ME3: variants seen among roughly 807,000 people sequenced by gnomAD.
The protein encoded by ME3 is malic enzyme 3, also known as NADP-dependent malic enzyme, mitochondrial.
In ME3, 48 loss-of-function variants were observed where a neutral mutation model predicts 68.9. The ratio of observed to expected loss-of-function variants is 0.70; its 90% CI spans 0.55 to 0.89. The LOEUF (loss-of-function observed/expected upper bound fraction) is 0.89, where lower values mean the gene tolerates loss of function less well. Among genes scored for constraint, ME3 ranks in the 40% least tolerant of loss-of-function variants. The pLI is 0.00. For synonymous variants in ME3, 320 were observed against 318.8 expected (o/e 1.00, Z -0.04); for missense variants, 675 against 797.4 (o/e 0.85, Z 1.85).
intron 2 of ME3, among the ~76,000 whole-genome samples, chr11:86,603,943 T>G (rs1417766408): frequency 2.6e-5 from 2 of 76,600 alleles, no homozygotes; most frequent in African/African-American, 1.1e-4. Context: ...TGGGGACTGT[T>G]GTGGGGTGGG....
intron 2 of ME3, among the ~76,000 whole-genome samples, chr11:86,578,705 C>T (rs78954729): frequency 0.027 from 4,146 of 152,240 alleles, 75 homozygotes; most frequent in Middle Eastern, 0.041. Flanking sequence ...GAGATCACAG[C>T]GATCAGTCAC....
intron 4 of ME3, among the ~76,000 whole-genome samples, chr11:86,514,231 G>A (rs1953735847): frequency 6.6e-6 from 1 of 152,126 alleles, no homozygotes; most frequent in Non-Finnish European, 1.5e-5. Flanking sequence ...CCAGCCATGT[G>A]GAACTGCAAG....
intron 4 of ME3, among the ~76,000 whole-genome samples, chr11:86,551,564 G>C (rs1238086646): frequency 1.3e-5 from 2 of 152,192 alleles, no homozygotes; most frequent in Admixed American, 6.5e-5. Flanking sequence ...TTGGTCAGCT[G>C]TGATGTCTTA....
At chr11:86,600,854 T>C (rs1455504339) in intron 2 of ME3, among the ~76,000 whole-genome samples, 2 of 151,866 alleles carry the variant, frequency 1.3e-5, no homozygotes, top group African/African-American at 4.8e-5. Flanking sequence ...GAATGACTAC[T>C]GGGTACACAA....
intron 4 of ME3, among the ~76,000 whole-genome samples, chr11:86,531,439 G>C (rs565673963): frequency 4.0e-4 from 61 of 151,964 alleles, no homozygotes; most frequent in African/African-American, 1.4e-3. Flanking sequence ...AAGTCAGTGT[G>C]GCAATTCCTC....
At chr11:86,458,002 A>G (rs1950035136) in intron 8 of ME3, among the ~76,000 whole-genome samples, 1 of 152,216 alleles carries the variant, frequency 6.6e-6, no homozygotes, top group South Asian at 2.1e-4. Context: ...CTTCTGACCC[A>G]GGCAGCAAGA....
intron 4 of ME3, among the ~76,000 whole-genome samples, chr11:86,527,704 A>G (rs1193185732): frequency 6.6e-6 from 1 of 152,238 alleles, no homozygotes; most frequent in African/African-American, 2.4e-5. Context: ...CCAATATTCA[A>G]CATTCTTAAA....
intron 4 of ME3, among the ~76,000 whole-genome samples, chr11:86,524,357 A>G (rs775029336): frequency 3.3e-5 from 5 of 152,248 alleles, no homozygotes; most frequent in Non-Finnish European, 7.3e-5. Context: ...ATAAGGAGAG[A>G]AAAACATCCT....
At chr11:86,616,699 A>G (rs1262704960) in intron 2 of ME3, among the ~76,000 whole-genome samples, 18 of 152,204 alleles carry the variant, frequency 1.2e-4, no homozygotes, top group Admixed American at 1.2e-3. Flanking sequence ...CAAGATACCT[A>G]GCCAGTGCCC....
At chr11:86,517,210 A>C (rs974188224) in intron 4 of ME3, among the ~76,000 whole-genome samples, 1 of 152,138 alleles carries the variant, frequency 6.6e-6, no homozygotes, top group African/African-American at 2.4e-5. Flanking sequence ...TGCTTTGGCC[A>C]ATAAAATGCA....
exon 3 of ME3, chr11:86,559,722 T>G (rs370561420): frequency 6.2e-7 from 1 of 1,613,840 alleles, no homozygotes; most frequent in South Asian, 1.1e-5. Flanking sequence ...GCTCGTAATA[T>G]CTCATGATTC....
chr11:86,558,156 G>A (rs10898498), intron 3 of ME3, among the ~76,000 whole-genome samples: 34,557 of 152,090 alleles, frequency 0.23, 4,705 homozygotes, highest in Non-Finnish European at 0.31. Flanking sequence ...AAATAACTGG[G>A]GAGAGAAGGA....
chr11:86,526,505 G>A (rs1954757493), intron 4 of ME3, among the ~76,000 whole-genome samples: 1 of 152,228 alleles, frequency 6.6e-6, no homozygotes, highest in Non-Finnish European at 1.5e-5. Context: ...CTGTCTGACA[G>A]CGTTGAAGAT....
At position 86,647,478 on chromosome 11, in the gene ME3, CCAT is replaced by C. The variant is rs529812245; in HGVS notation, c.183+24281_183+24283del. Among the ~76,000 whole-genome samples the C allele has an allele frequency of 5.5e-4, 79 of 144,634 alleles. 1 individual carries two copies. In the East Asian group the frequency reaches 0.015, roughly 28 times the overall value. 94.9% of individuals were successfully genotyped at this position (144,634 alleles called of 152,430 possible). A position where few individuals can be genotyped will look rare whatever the true frequency, so the allele number is the denominator to read the frequency against. On this transcript the variant is annotated intron_variant, in intron 2 of 14. Coordinates refer to ENST00000543262, the Ensembl canonical transcript of ME3. ...CCAGCCTGGGAGACACAGCGAGACT[CCAT>C]CTCAAAAAAGAAAAAAAAAAAAAGA...
intron 8 of ME3, among the ~76,000 whole-genome samples, chr11:86,459,608 G>A (rs1159561223): frequency 2.0e-5 from 3 of 152,302 alleles, no homozygotes; most frequent in South Asian, 2.1e-4. Flanking sequence ...CCATTCTGGT[G>A]GTACTAGCTG....
At chr11:86,589,576 T>G (rs1009763821) in intron 2 of ME3, among the ~76,000 whole-genome samples, 1 of 152,236 alleles carries the variant, frequency 6.6e-6, no homozygotes, top group Non-Finnish European at 1.5e-5. Context: ...AATCCAGCTT[T>G]CATGATACTC....
chr11:86,651,448 T>C (rs1206642128), intron 2 of ME3, among the ~76,000 whole-genome samples: 1 of 152,216 alleles, frequency 6.6e-6, no homozygotes, highest in Admixed American at 6.5e-5. Flanking sequence ...ATATCCGCTG[T>C]TCTGCAGCCT....
chr11:86,484,628 C>G (rs1025277960), intron 7 of ME3, among the ~76,000 whole-genome samples: 2 of 152,146 alleles, frequency 1.3e-5, no homozygotes, highest in East Asian at 1.9e-4. Flanking sequence ...CCTTCTCACA[C>G]GAATAGCAAT....
Position 86,672,101 on chromosome 11 carries a change from G to A in ME3, c.-14-143C>T, listed in dbSNP as rs1946992152. On this transcript the variant is annotated intron_variant, in intron 1 of 14. Coordinates refer to ENST00000543262, the Ensembl canonical transcript of ME3. ...CAAAGGGTTAAATGTTCCAGCCCCC[G>A]CCACTCCTCGGCTGCCACCTGCTCG... 8 of 686,282 alleles carry A rather than the reference G, an allele frequency of 1.2e-5. No individual in the cohort carries two copies. The South Asian group carries it at 2.7e-4, about 23-fold the overall frequency. 42.5% of individuals were successfully genotyped at this position (686,282 alleles called of 1,614,324 possible).
Sources: allele counts gnomAD v4.1 joint callset (sites outside exome capture counted in the v4.1 genomes callset), GRCh38; gene constraint gnomAD v4.1.1; transcripts MANE v1.5; gene names NCBI Gene and HGNC (gene_info 2026-07-23, HGNC 2026-07-21).